Variants in COA1 observed in about 807,000 individuals in gnomAD.
The protein encoded by COA1 is cytochrome c oxidase assembly factor 1, also known as cytochrome c oxidase assembly factor 1 homolog.
COA1 carries 13 observed loss-of-function variants against 16.0 expected under a neutral mutation model. That is an observed-to-expected ratio of 0.81 (90% CI 0.53 to 1.29). COA1 has a LOEUF of 1.29. COA1 is among the 50% of genes most tolerant of loss of function. The probability of loss-of-function intolerance (pLI) is 0.00; values close to 1 mark genes in which losing one functional copy is unlikely to be tolerated. For missense variants in COA1, 179 were observed against 177.0 expected, an observed-to-expected ratio of 1.01 and a Z score of -0.06; for synonymous variants, 65 against 65.7, an observed-to-expected ratio of 0.99 and a Z score of 0.05.
intron 6 of COA1, chr7:43,624,543 C>T: frequency 6.2e-7 from 1 of 1,613,476 alleles, no homozygotes; most frequent in Non-Finnish European, 8.5e-7. Flanking sequence ...TGAAGAATGT[C>T]TAAAGCACCC....
intron 1 of COA1, among the ~76,000 whole-genome samples, chr7:43,714,677 T>C (rs558836208): frequency 4.0e-4 from 60 of 150,782 alleles, no homozygotes; most frequent in Admixed American, 3.6e-3. Context: ...AAATGATTTG[T>C]ATCTGACACA....
intron 1 of COA1, among the ~76,000 whole-genome samples, chr7:43,688,395 T>C (rs757939007): frequency 1.3e-4 from 20 of 152,206 alleles, no homozygotes; most frequent in Non-Finnish European, 2.4e-4. Flanking sequence ...TTATTAATAG[T>C]ATATAGTTGT....
At chr7:43,701,939 G>A (rs187577609) in intron 1 of COA1, among the ~76,000 whole-genome samples, 77 of 152,018 alleles carry the variant, frequency 5.1e-4, no homozygotes, top group African/African-American at 1.8e-3. Flanking sequence ...TTTTCTGCTT[G>A]TAAGTTTGCT....
intron 1 of COA1, among the ~76,000 whole-genome samples, chr7:43,682,399 T>C (rs1293053236): frequency 1.3e-5 from 2 of 152,180 alleles, no homozygotes; most frequent in East Asian, 1.9e-4. Flanking sequence ...CTAAAGTAAA[T>C]ATTTTTCAAT....
intron 1 of COA1, among the ~76,000 whole-genome samples, chr7:43,701,757 T>C (rs953762396): frequency 5.9e-5 from 9 of 152,180 alleles, no homozygotes; most frequent in African/African-American, 1.9e-4. Flanking sequence ...GCATCTGTTA[T>C]TGAGTTGTTA....
In COA1 at chr7:43,639,695, A is replaced by C; in HGVS notation, c.342-14T>G. ...TCAAGGTGCCACCTGAGAGAAACCA[A>C]AAGTATAGTATCTCTAATCTATGAA... On this transcript the variant is annotated splice_polypyrimidine_tract_variant and intron_variant, in intron 5 of 5. Transcript: ENST00000223336. 6.3e-7 allele frequency: 1 copy of C among 1,592,924 alleles called. No individual in the cohort carries two copies. The highest frequency in any genetic ancestry group is 1.1e-5 in the South Asian group (1 of 90,666).
intron 1 of COA1, chr7:43,649,936 G>A (rs1483628269): frequency 6.6e-6 from 1 of 152,294 alleles, no homozygotes; most frequent in East Asian, 1.9e-4. Flanking sequence ...GGCATCAGCG[G>A]AGGTTTCACA....
At chr7:43,667,083 A>C (rs1395333220) in intron 1 of COA1, among the ~76,000 whole-genome samples, 1 of 152,236 alleles carries the variant, frequency 6.6e-6, no homozygotes, top group Non-Finnish European at 1.5e-5. Flanking sequence ...ACATTAATAA[A>C]TTAATGCAAG....
chr7:43,677,975 T>C (rs753235532), intron 1 of COA1, among the ~76,000 whole-genome samples: 1 of 152,060 alleles, frequency 6.6e-6, no homozygotes, highest in Non-Finnish European at 1.5e-5. Flanking sequence ...CCCATGAAAA[T>C]TGCAACCAAA....
chr7:43,686,057 A>G (rs191235318), intron 1 of COA1, among the ~76,000 whole-genome samples: 1 of 152,366 alleles, frequency 6.6e-6, no homozygotes, highest in Admixed American at 6.5e-5. Flanking sequence ...AATTAACACA[A>G]CTGGCTAAAT....
At chr7:43,705,011 T>C (rs143627441) in intron 1 of COA1, among the ~76,000 whole-genome samples, 166 of 152,344 alleles carry the variant, frequency 1.1e-3, no homozygotes, top group African/African-American at 3.8e-3. Flanking sequence ...TCCTGAAAGT[T>C]TGACTAATAT....
chr7:43,673,953 T>C (rs1584810593), intron 1 of COA1, among the ~76,000 whole-genome samples: 2 of 146,976 alleles, frequency 1.4e-5, no homozygotes, highest in African/African-American at 2.4e-5. Flanking sequence ...TGGATATGTA[T>C]AGACACAAAG....
chr7:43,633,617 C>G (rs1203965658), intron 6 of COA1, among the ~76,000 whole-genome samples: 1 of 152,122 alleles, frequency 6.6e-6, no homozygotes, highest in Non-Finnish European at 1.5e-5. Flanking sequence ...AAATGTGACA[C>G]AGACACAAAG....
chr7:43,628,079 C>T (rs2153033886), intron 6 of COA1, among the ~76,000 whole-genome samples: 1 of 152,246 alleles, frequency 6.6e-6, no homozygotes, highest in South Asian at 2.1e-4. Context: ...CTCCACCTCC[C>T]AGGTTCAAGG....
intron 1 of COA1, among the ~76,000 whole-genome samples, chr7:43,728,234 A>G (rs2095659812): frequency 1.3e-5 from 2 of 152,200 alleles, no homozygotes; most frequent in Admixed American, 1.3e-4. Flanking sequence ...TCGGCCTCCC[A>G]AAGTGCTGGG....
intron 6 of COA1, among the ~76,000 whole-genome samples, chr7:43,627,183 TA>T (rs1427626381): frequency 7.2e-5 from 11 of 152,246 alleles, no homozygotes; most frequent in Admixed American, 4.6e-4. Flanking sequence ...GTATAAAATG[TA>T]TAAGTTTTAA....
intron 3 of COA1, chr7:43,647,200 C>T (rs2089575647): frequency 2.8e-6 from 1 of 362,374 alleles, no homozygotes; most frequent in Middle Eastern, 7.5e-4. Flanking sequence ...ACCTGTGAAC[C>T]ATCTGGTATT....
At chr7:43,633,608 A>T (rs763074054) in intron 6 of COA1, among the ~76,000 whole-genome samples, 1 of 152,228 alleles carries the variant, frequency 6.6e-6, no homozygotes, top group Non-Finnish European at 1.5e-5. Flanking sequence ...AGAATTACCA[A>T]ATGTGACACA....
At chr7:43,676,255 C>G (rs2093511979) in intron 1 of COA1, among the ~76,000 whole-genome samples, 1 of 152,108 alleles carries the variant, frequency 6.6e-6, no homozygotes, top group Non-Finnish European at 1.5e-5. Flanking sequence ...CTAAGCCTTA[C>G]AGATTTCCTA....
Sources: allele counts gnomAD v4.1 joint callset (sites outside exome capture counted in the v4.1 genomes callset), GRCh38; gene constraint gnomAD v4.1.1; transcripts MANE v1.5; gene names NCBI Gene and HGNC (gene_info 2026-07-23, HGNC 2026-07-21).